The following IL17A variants were observed in gnomAD, a reference collection of about 807,000 sequenced individuals.
The protein encoded by IL17A is interleukin-17A.
A neutral mutation model predicts 7.2 loss-of-function variants in IL17A; 1 was observed. The observed-to-expected ratio is 0.14, with a 90% CI of 0.05 to 0.66. The LOEUF (loss-of-function observed/expected upper bound fraction) is 0.66, where lower values mean the gene tolerates loss of function less well. Ranked by LOEUF, IL17A falls within the 30% of genes least tolerant of loss-of-function variation. IL17A has a pLI of 0.84. For missense variants in IL17A, 191 were observed against 197.1 expected (o/e 0.97, Z 0.18); for synonymous variants, 90 against 77.7 (o/e 1.16, Z -0.83).
At position 52,187,707 on chromosome 6, in the gene IL17A, T is replaced by C. The variant is rs753018291; in HGVS notation, c.132T>C (p.Thr44=). The change falls in exon 2 of 3, where the codon ACT becomes ACC. Residue 44 remains threonine (T), a synonymous_variant. Transcript: ENST00000648244. ...PNSEDKNFPR[T]VMVNLNIHNR... ...CTGAGGACAAGAACTTCCCCCGGAC[T>C]GTGATGGTCAACCTGAACATCCATA... is the stretch of plus-strand genomic sequence containing the variant. 8.1e-6 allele frequency: 13 copies of C among 1,613,998 alleles called. No individual in the cohort carries two copies. In the East Asian group the frequency reaches 2.5e-4, roughly 30 times the overall value.
At chr6:52,188,198 G>GT (rs17880818) in intron 2 of IL17A, among the ~76,000 whole-genome samples, 2,231 of 152,164 alleles carry the variant, frequency 0.015, 23 homozygotes, top group Non-Finnish European at 0.023. Context: ...AATAATTAGG[G>GT]TTTTTTACTT....
chr6:52,187,268 A>G (rs921151182), intron 1 of IL17A, among the ~76,000 whole-genome samples: 2 of 152,248 alleles, frequency 1.3e-5, no homozygotes, highest in African/African-American at 4.8e-5. Context: ...CCCAGACCTG[A>G]CAATGATGCA....
At chr6:52,187,908 C>A (rs1763313263) in intron 2 of IL17A, 103 bp downstream of exon 2, 2 of 1,020,980 alleles carry the variant, frequency 2.0e-6, no homozygotes, top group Admixed American at 1.9e-5. Context: ...TTTAGAATTA[C>A]CAGTCAAACC....
intron 1 of IL17A, among the ~76,000 whole-genome samples, chr6:52,186,809 G>T (rs552427745): frequency 1.3e-5 from 2 of 152,068 alleles, no homozygotes; most frequent in East Asian, 1.9e-4. Context: ...CTTTAAAATG[G>T]GTCACTATCC....
In IL17A at chr6:52,189,191, C is replaced by A. The variant is rs766719721; in HGVS notation, c.367C>A (p.Arg123Ser). The change falls in exon 3 of 3, where the codon CGC becomes AGC. Residue 123 changes from arginine to serine, a missense_variant. Transcript: ENST00000648244. ...VPIQQEILVL[R>S]REPPHCPNSF... is the part of the protein sequence containing the mutation. ...CATCCAGCAAGAGATCCTGGTCCTG[C>A]GCAGGGAGCCTCCACACTGCCCCAA... 1.9e-6 allele frequency: 3 copies of A among 1,614,036 alleles called. No homozygotes were observed. Among genetic ancestry groups the A allele is most frequent in the African/African-American group, 1.3e-5 (1 of 74,934 alleles).
intron 2 of IL17A, among the ~76,000 whole-genome samples, chr6:52,188,541 A>T (rs535028635): frequency 1.3e-4 from 20 of 152,336 alleles, no homozygotes; most frequent in African/African-American, 4.3e-4. Context: ...AGAGAGAGGG[A>T]AGAGAAGGTC....
chr6:52,189,261 G>A lies in IL17A; in HGVS notation c.437G>A (p.Cys146Tyr). 6.2e-7 allele frequency: 1 copy of A among 1,614,070 alleles called. No homozygotes were observed. The highest frequency in any genetic ancestry group is 8.5e-7 in the Non-Finnish European group (1 of 1,179,992). Reference sequence around the variant, plus strand: ...ATACTGGTGTCCGTGGGCTGCACCTGTGTCACCCCGATTGTCCACCATGTG... The same window carrying A: ...ATACTGGTGTCCGTGGGCTGCACCTATGTCACCCCGATTGTCCACCATGTG... ...EKILVSVGCT[C>Y]VTPIVHHVA Residue 146 changes from cysteine (C) to tyrosine (Y), a missense_variant, in exon 3 of 3, where the codon TGT (cysteine) becomes TAT (tyrosine). Coordinates refer to ENST00000648244, the MANE Select transcript of IL17A (RefSeq NM_002190.3).
rs1435810177 is a variant in IL17A at position 52,187,747 on chromosome 6, A to C, written c.172A>C (p.Thr58Pro). The C allele has an allele frequency of 2.5e-6, 4 of 1,613,906 alleles. No individual in the cohort carries two copies. The highest frequency in any genetic ancestry group is 3.3e-5 in the Admixed American group (2 of 59,996). The change falls in exon 2 of 3, where the codon ACC (threonine) becomes CCC (proline). Residue 58 changes from threonine to proline, a missense_variant. Thr to Pro is a conservative substitution (Grantham distance 38). Transcript: ENST00000648244. ...GAACATCCATAACCGGAATACCAAT[A>C]CCAATCCCAAAAGGTCCTCAGATTA... ...NLNIHNRNTN[T>P]NPKRSSDYYN...
In IL17A at chr6:52,189,317, C is replaced by G; in HGVS notation, c.*25C>G. 6.3e-7 allele frequency: 1 copy of G among 1,585,688 alleles called. No homozygotes were observed. The highest frequency in any genetic ancestry group is 8.7e-7 in the Non-Finnish European group (1 of 1,155,418). On this transcript the variant is annotated 3_prime_UTR_variant, in exon 3 of 3. Coordinates refer to ENST00000648244, the MANE Select transcript of IL17A (RefSeq NM_002190.3). ...AGAGCTCTGGGGAGCCCACACTCCC[C>G]AAAGCAGTTAGACTATGGAGAGCCG... is the stretch of plus-strand genomic sequence containing the variant.
rs758261343 is a variant in IL17A at position 52,189,142 on chromosome 6, G to A, written c.318G>A (p.Val106=). The A allele has an allele frequency of 2.5e-6, 4 of 1,614,130 alleles. No individual in the cohort carries two copies. The highest frequency in any genetic ancestry group is 1.7e-5 in the Admixed American group (1 of 60,028). ...GCTGCATCAACGCTGATGGGAACGT[G>A]GACTACCACATGAACTCTGTCCCCA... ...HLGCINADGN[V]DYHMNSVPIQ... The change falls in exon 3 of 3, where the codon GTG becomes GTA. Residue 106 remains valine (V), a synonymous_variant. Coordinates refer to ENST00000648244, the MANE Select transcript of IL17A (RefSeq NM_002190.3).
chr6:52,187,358 C>T (rs893089520), intron 1 of IL17A, among the ~76,000 whole-genome samples: 1 of 152,062 alleles, frequency 6.6e-6, no homozygotes, highest in Non-Finnish European at 1.5e-5. Flanking sequence ...CATGTCTTTC[C>T]TAAGTCAAAA....
At position 52,187,643 on chromosome 6, in the gene IL17A, C is replaced by T. The variant is rs1763307177; in HGVS notation, c.68C>T (p.Ala23Val). 1 of 1,613,970 alleles carries T rather than the reference C, an allele frequency of 6.2e-7. No homozygotes were observed. The highest frequency in any genetic ancestry group is 1.7e-5 in the Admixed American group (1 of 59,990). The part of the protein sequence containing the change: ...LLLSLEAIVK[A>V]GITIPRNPGC... ...CTGAGCCTGGAGGCCATAGTGAAGG[C>T]AGGAATCACAATCCCACGAAATCCA... Residue 23 changes from alanine to valine, a missense_variant, in exon 2 of 3, where the codon GCA (alanine) becomes GTA (valine). Physicochemically the swap from Ala to Val is moderately conservative, Grantham distance 64. Transcript: ENST00000648244.
Position 52,190,564 on chromosome 6 carries a change from C to A in IL17A, c.*1272C>A, listed in dbSNP as rs993654345. On this transcript the variant is annotated 3_prime_UTR_variant, in exon 3 of 3. Transcript: ENST00000648244. The stretch of plus-strand genomic sequence containing the variant: ...AACTTTAAGTATGAGAAAAGTTCAG[C>A]CCAAGTAAAATAAAAACTCAATCAC... 5 of 152,154 alleles carry A rather than the reference C, an allele frequency of 3.3e-5. No individual in the cohort carries two copies. The highest frequency in any genetic ancestry group is 1.2e-4 in the African/African-American group (5 of 41,432). The allele number at this position is 152,154 out of a possible 1,614,324, so 9.4% of individuals were successfully genotyped here.
chr6:52,186,571 T>G (rs1441834461), intron 1 of IL17A, 113 bp downstream of exon 1: 2 of 920,170 alleles, frequency 2.2e-6, no homozygotes, highest in African/African-American at 3.3e-5. Flanking sequence ...ATACTGTATA[T>G]GTAGGATAGG....
At position 52,189,175 on chromosome 6, in the gene IL17A, A is replaced by G. The variant is rs1175475975; in HGVS notation, c.351A>G (p.Gln117=). The part of the protein sequence containing the change: ...DYHMNSVPIQ[Q]EILVLRREPP... ...ACATGAACTCTGTCCCCATCCAGCA[A>G]GAGATCCTGGTCCTGCGCAGGGAGC... The change falls in exon 3 of 3, where the codon CAA becomes CAG. Residue 117 remains glutamine (Q), a synonymous_variant. Transcript: ENST00000648244. 2 of 1,614,116 alleles carry G rather than the reference A, an allele frequency of 1.2e-6. No individual in the cohort carries two copies. Among genetic ancestry groups the G allele is most frequent in the South Asian group, 1.1e-5 (1 of 91,082 alleles).
At chr6:52,187,977 A>G (rs1451204281) in intron 2 of IL17A, among the ~76,000 whole-genome samples, 172 bp downstream of exon 2, 1 of 152,192 alleles carries the variant, frequency 6.6e-6, no homozygotes, top group Non-Finnish European at 1.5e-5. Flanking sequence ...TTAACCAAGC[A>G]CAGGACAGCC....
rs1187930738 is a variant in IL17A at position 52,187,655 on chromosome 6, T to C, written c.80T>C (p.Ile27Thr). The C allele has an allele frequency of 3.7e-6, 6 of 1,613,946 alleles. No individual in the cohort carries two copies. In the South Asian group the frequency reaches 5.5e-5, roughly 15 times the overall value. Residue 27 changes from isoleucine to threonine, a missense_variant, in exon 2 of 3, where the codon ATC becomes ACC. Coordinates refer to ENST00000648244, the MANE Select transcript of IL17A (RefSeq NM_002190.3). Reference sequence around the variant, plus strand: ...GCCATAGTGAAGGCAGGAATCACAATCCCACGAAATCCAGGATGCCCAAAT... The same window carrying C: ...GCCATAGTGAAGGCAGGAATCACAACCCCACGAAATCCAGGATGCCCAAAT... ...LEAIVKAGIT[I>T]PRNPGCPNSE...
rs1375171381 is a variant in IL17A at position 52,190,616 on chromosome 6, T to C, written c.*1324T>C. 6.6e-6 allele frequency: 1 copy of C among 152,200 alleles called. No homozygotes were observed. The highest frequency in any genetic ancestry group is 2.4e-5 in the African/African-American group (1 of 41,436). The allele number at this position is 152,200 out of a possible 1,614,324, so 9.4% of individuals were successfully genotyped here. ...TTCAATTCCAGAGTAGTTTCAAGTT[T>C]CACATCGTAACCATTTTCGCCCCCA... On this transcript the variant is annotated 3_prime_UTR_variant, in exon 3 of 3. Transcript: ENST00000648244.
chr6:52,186,898 G>A (rs1458640222), intron 1 of IL17A, among the ~76,000 whole-genome samples: 2 of 152,118 alleles, frequency 1.3e-5, no homozygotes, highest in African/African-American at 4.8e-5. Context: ...TTGAAACTAT[G>A]TATTCTAACT....
Sources: gnomAD v4.1 joint callset for allele counts (sites outside exome capture counted in the v4.1 genomes callset) on GRCh38, gnomAD v4.1.1 for gene constraint, MANE v1.5 for transcripts, NCBI Gene and HGNC (gene_info 2026-07-23, HGNC 2026-07-21) for gene names.